RBFOX1: variants seen among roughly 807,000 people sequenced by gnomAD.
The protein encoded by RBFOX1 is RNA binding fox-1 homolog 1.
Under a neutral mutation model 57.7 loss-of-function variants are expected in RBFOX1, and 8 were observed. The observed-to-expected ratio is 0.14, with a 90% CI of 0.08 to 0.25. RBFOX1 has a LOEUF of 0.25. Among genes scored for constraint, RBFOX1 ranks in the 10% least tolerant of loss-of-function variants. The pLI is 1.00. For synonymous variants in RBFOX1, 326 were observed against 222.4 expected (o/e 1.47, Z -4.15); for missense variants, 611 against 548.5 (o/e 1.11, Z -1.14).
chr16:7,299,965 C>T (rs992645789), intron 4 of RBFOX1, among the ~76,000 whole-genome samples: 2 of 152,198 alleles, frequency 1.3e-5, no homozygotes, highest in Admixed American at 6.5e-5. Context: ...AGTCAGGGAC[C>T]ATCTGTATTA....
At chr16:6,875,688 C>A (rs2061705818) in intron 3 of RBFOX1, among the ~76,000 whole-genome samples, 1 of 152,198 alleles carries the variant, frequency 6.6e-6, no homozygotes, top group Non-Finnish European at 1.5e-5. Flanking sequence ...ACCATAAGCT[C>A]CCCTTCTCTG....
intron 2 of RBFOX1, among the ~76,000 whole-genome samples, chr16:6,393,000 A>C (rs1248423191): frequency 6.6e-6 from 1 of 151,888 alleles, no homozygotes; most frequent in African/African-American, 2.4e-5. Context: ...CAGACAAGGA[A>C]CTCCTGTCTT....
chr16:6,497,758 T>C (rs1160058505), intron 2 of RBFOX1, among the ~76,000 whole-genome samples: 1 of 151,834 alleles, frequency 6.6e-6, no homozygotes, highest in East Asian at 2.0e-4. Context: ...GGTTTCACCA[T>C]ATTAGCCAGG....
chr16:7,194,702 T>G (rs1369756378), intron 4 of RBFOX1, among the ~76,000 whole-genome samples: 1 of 151,956 alleles, frequency 6.6e-6, no homozygotes, highest in East Asian at 1.9e-4. Flanking sequence ...TTGAGGTGGG[T>G]GGATTGCCTG....
chr16:5,420,304 A>G (rs116096890), intron 1 of RBFOX1, among the ~76,000 whole-genome samples: 1,560 of 152,274 alleles, frequency 0.01, 38 homozygotes, highest in African/African-American at 0.036. Context: ...AATGGAAACT[A>G]TTCAATATGC....
intron 3 of RBFOX1, among the ~76,000 whole-genome samples, chr16:6,926,063 T>C (rs1221583859): frequency 6.6e-6 from 1 of 152,036 alleles, no homozygotes. Context: ...CCCAGCACTT[T>C]GGGAGGCCGA....
Position 6,210,817 on chromosome 16 carries a change from G to T in RBFOX1, c.-126-106178G>T, listed in dbSNP as rs187091113. Among the ~76,000 whole-genome samples, 448 of 152,256 alleles carry T rather than the reference G, an allele frequency of 2.9e-3. 2 individuals carry two copies. Among genetic ancestry groups the T allele is most frequent in the African/African-American group, 0.01 (426 of 41,560 alleles). On this transcript the variant is annotated intron_variant, in intron 1 of 15. Transcript: ENST00000550418. The stretch of plus-strand genomic sequence containing the variant: ...AATGCCTGATTCTTCAAAGACATGG[G>T]CACAGACTTGTCAGCTCCAGGCAGT...
chr16:6,473,363 A>G (rs900946753), intron 2 of RBFOX1, among the ~76,000 whole-genome samples: 1 of 152,122 alleles, frequency 6.6e-6, no homozygotes, highest in African/African-American at 2.4e-5. Context: ...GAGTCAGTTC[A>G]TGCAATAATG....
chr16:6,568,417 A>T (rs1424694257), intron 2 of RBFOX1, among the ~76,000 whole-genome samples: 1 of 152,200 alleles, frequency 6.6e-6, no homozygotes, highest in Non-Finnish European at 1.5e-5. Flanking sequence ...AAATTGAGTT[A>T]TGAGACAGAG....
At chr16:6,575,894 T>G (rs1158136001) in intron 2 of RBFOX1, among the ~76,000 whole-genome samples, 3 of 150,630 alleles carry the variant, frequency 2.0e-5, no homozygotes, top group Non-Finnish European at 4.4e-5. Context: ...AATAAATAAA[T>G]AAAGATTAAT....
chr16:6,096,852 G>A (rs751571332), intron 1 of RBFOX1, among the ~76,000 whole-genome samples: 31 of 152,268 alleles, frequency 2.0e-4, no homozygotes, highest in Non-Finnish European at 3.7e-4. Context: ...ATCAGCCTCC[G>A]CTGGGAAGGA....
chr16:7,073,956 G>A (rs1265471117), intron 4 of RBFOX1, among the ~76,000 whole-genome samples: 1 of 152,156 alleles, frequency 6.6e-6, no homozygotes, highest in Non-Finnish European at 1.5e-5. Flanking sequence ...TTATGAGACA[G>A]CTCCCTGTTT....
chr16:7,549,618 C>T (rs1017139811), intron 5 of RBFOX1, among the ~76,000 whole-genome samples: 4 of 152,124 alleles, frequency 2.6e-5, no homozygotes, highest in Admixed American at 6.5e-5. Context: ...TCCAAGAGTC[C>T]AAAAGCTGAA....
intron 3 of RBFOX1, among the ~76,000 whole-genome samples, chr16:6,907,760 G>C (rs1371583710): frequency 1.4e-5 from 2 of 146,004 alleles, no homozygotes; most frequent in African/African-American, 2.4e-5. Flanking sequence ...TTTTAGTAGA[G>C]ATAGGGTTTC....
At chr16:7,007,122 C>G (rs146396346) in intron 3 of RBFOX1, among the ~76,000 whole-genome samples, 22 of 152,304 alleles carry the variant, frequency 1.4e-4, no homozygotes, top group African/African-American at 4.8e-4. Context: ...TAAGGAGGCT[C>G]TGGGAAGAGT....
At chr16:6,155,701 C>T (rs142140782) in intron 1 of RBFOX1, among the ~76,000 whole-genome samples, 1 of 152,286 alleles carries the variant, frequency 6.6e-6, no homozygotes, top group African/African-American at 2.4e-5. Context: ...GACTCAGACT[C>T]CTTGAAGTAG....
chr16:6,228,181 C>T (rs767043304), intron 1 of RBFOX1, among the ~76,000 whole-genome samples: 10 of 152,072 alleles, frequency 6.6e-5, no homozygotes, highest in South Asian at 4.2e-4. Context: ...CTTGGTGACA[C>T]GCGCCTGTAT....
chr16:6,970,485 C>A (rs963604932), intron 3 of RBFOX1, among the ~76,000 whole-genome samples: 5 of 152,112 alleles, frequency 3.3e-5, no homozygotes, highest in Non-Finnish European at 7.4e-5. Context: ...GCTCACAGTT[C>A]TGGAAGCTGG....
intron 1 of RBFOX1, among the ~76,000 whole-genome samples, chr16:5,317,634 C>CAGAAAG (rs1034743914): frequency 2.0e-5 from 3 of 151,988 alleles, no homozygotes; most frequent in Non-Finnish European, 2.9e-5. Flanking sequence ...AAAAAGCGAA[C>CAGAAAG]AAAAAGAAAA....
Sources: allele counts gnomAD v4.1 joint callset (sites outside exome capture counted in the v4.1 genomes callset), GRCh38; gene constraint gnomAD v4.1.1; transcripts MANE v1.5; gene names NCBI Gene and HGNC (gene_info 2026-07-23, HGNC 2026-07-21).